The following SCPEP1 variants were observed in gnomAD, a reference collection of about 807,000 sequenced individuals.
The protein encoded by SCPEP1 is serine carboxypeptidase 1, also known as retinoid-inducible serine carboxypeptidase.
Under a neutral mutation model 63.8 loss-of-function variants are expected in SCPEP1, and 51 were observed. The observed-to-expected ratio is 0.80, with a 90% confidence interval of 0.64 to 1.01. The LOEUF (loss-of-function observed/expected upper bound fraction) is 1.01, where lower values mean the gene tolerates loss of function less well. SCPEP1 is among the 50% of genes least tolerant of loss of function. The pLI is 0.00. For synonymous variants in SCPEP1, 204 were observed against 207.8 expected (o/e 0.98, Z 0.16); for missense variants, 499 against 554.9 (o/e 0.90, Z 1.01).
chr17:57,006,171 A>C lies in SCPEP1; in HGVS notation c.1297-2A>C. The C allele has an allele frequency of 6.2e-7, 1 of 1,608,304 alleles. No homozygotes were observed. Among genetic ancestry groups the C allele is most frequent in the Non-Finnish European group, 8.5e-7 (1 of 1,177,566 alleles). The stretch of plus-strand genomic sequence containing the variant: ...ACTAACTCAGATGTTGTTTTTTTCT[A>C]GGTTCCTTCTGACCAAGGGGACATG... On this transcript the variant is annotated splice_acceptor_variant, in intron 12 of 12. Transcript: ENST00000262288. LOFTEE classifies it high-confidence loss of function.
At chr17:56,978,772 C>T (rs1300530921) in intron 1 of SCPEP1, among the ~76,000 whole-genome samples, 2 of 152,306 alleles carry the variant, frequency 1.3e-5, no homozygotes, top group Admixed American at 6.5e-5. Flanking sequence ...TTCAGCAAAA[C>T]CTCTCCTAGT....
intron 9 of SCPEP1, among the ~76,000 whole-genome samples, chr17:56,997,763 CT>C (rs911483105): frequency 5.8e-4 from 84 of 145,824 alleles, no homozygotes; most frequent in Admixed American, 6.9e-4. Flanking sequence ...TATTTTTTCC[CT>C]TTTTTTTTTT....
chr17:56,987,888 G>T, intron 4 of SCPEP1, 38 bp downstream of exon 4: 1 of 1,607,992 alleles, frequency 6.2e-7, no homozygotes, highest in South Asian at 1.1e-5. Flanking sequence ...TAAAGGGCTG[G>T]CAATATCAAC....
At chr17:56,998,331 C>A in intron 9 of SCPEP1, 54 bp from the exon 10 acceptor site, 2 of 1,160,394 alleles carry the variant, frequency 1.7e-6, no homozygotes, top group Non-Finnish European at 2.6e-6. Flanking sequence ...AAAAAGATGT[C>A]CTCTTGGCCT....
In SCPEP1 at chr17:56,987,745, C is replaced by T. The variant is rs2144483236; in HGVS notation, c.366C>T (p.Phe122=). 6.2e-7 allele frequency: 1 copy of T among 1,614,022 alleles called. No individual in the cohort carries two copies. The highest frequency in any genetic ancestry group is 8.5e-7 in the Non-Finnish European group (1 of 1,179,998). Residue 122 remains phenylalanine (F), a synonymous_variant, in exon 4 of 13, where the codon TTC becomes TTT. Coordinates refer to ENST00000262288, the MANE Select transcript of SCPEP1 (RefSeq NM_021626.3). ...LFVDNPVGTG[F]SYVNGSGAYA... ...TGGATAATCCCGTGGGCACTGGGTT[C>T]AGTTATGTGAATGGTAGTGGTGCCT...
At position 56,981,188 on chromosome 17, in the gene SCPEP1, C is replaced by T; in HGVS notation, c.183C>T (p.Ser61=). The T allele has an allele frequency of 6.2e-7, 1 of 1,614,204 alleles. No individual in the cohort carries two copies. Among genetic ancestry groups the T allele is most frequent in the East Asian group, 2.2e-5 (1 of 44,880 alleles). ...GGTGGCTCTATTATGCCACCAACTC[C>T]TGCAAGAACTTCTCAGAACTGCCCC... ...MFWWLYYATN[S]CKNFSELPLV... The change falls in exon 2 of 13, where the codon TCC becomes TCT. Residue 61 remains serine, a synonymous_variant. Coordinates refer to ENST00000262288, the MANE Select transcript of SCPEP1 (RefSeq NM_021626.3).
At chr17:57,000,656 A>T (rs1253326370) in intron 10 of SCPEP1, among the ~76,000 whole-genome samples, 199 bp from the exon 11 acceptor site, 3 of 152,196 alleles carry the variant, frequency 2.0e-5, no homozygotes, top group Non-Finnish European at 4.4e-5. Context: ...TCTCAAGAGA[A>T]TGGACCACAT....
chr17:57,006,458 G>T lies in SCPEP1; in HGVS notation c.*223G>T. Reference sequence around the variant, plus strand: ...CTAAGATTTTTTAAAAAATTGATTTGTTTTGATCAAAATAAAGGATGATAA... The same window carrying T: ...CTAAGATTTTTTAAAAAATTGATTTTTTTTGATCAAAATAAAGGATGATAA... On this transcript the variant is annotated 3_prime_UTR_variant, in exon 13 of 13. Coordinates refer to ENST00000262288, the MANE Select transcript of SCPEP1 (RefSeq NM_021626.3). 1 of 363,092 alleles carries T rather than the reference G, an allele frequency of 2.8e-6. No homozygotes were observed. Among genetic ancestry groups the T allele is most frequent in the Non-Finnish European group, 4.9e-6 (1 of 203,324 alleles). The allele number at this position is 363,092 out of a possible 1,614,324, so 22.5% of individuals were successfully genotyped here.
intron 3 of SCPEP1, among the ~76,000 whole-genome samples, chr17:56,986,231 T>C (rs1054759201): frequency 6.6e-6 from 1 of 152,048 alleles, no homozygotes; most frequent in Non-Finnish European, 1.5e-5. Flanking sequence ...CTTTTTTTTT[T>C]TTTTTGGAAA....
In SCPEP1 at chr17:56,978,132, T is replaced by G; in HGVS notation, c.-28T>G. On this transcript the variant is annotated 5_prime_UTR_variant, in exon 1 of 13. Transcript: ENST00000262288. ...GTGATGGGGCGCCGGGTCCAGCCTG[T>G]TGCTGATGCTGCCGTGCGGTACTTG... 9.8e-7 allele frequency: 1 copy of G among 1,015,508 alleles called. No individual in the cohort carries two copies. The highest frequency in any genetic ancestry group is 1.4e-6 in the Non-Finnish European group (1 of 704,206). The allele number at this position is 1,015,508 out of a possible 1,614,324, so 62.9% of individuals were successfully genotyped here.
chr17:57,006,171 A>G lies in SCPEP1; in HGVS notation c.1297-2A>G, dbSNP rs1407919598. On this transcript the variant is annotated splice_acceptor_variant, in intron 12 of 12. Transcript: ENST00000262288. LOFTEE classifies it high-confidence loss of function. ...ACTAACTCAGATGTTGTTTTTTTCTAGGTTCCTTCTGACCAAGGGGACATG... is the reference window on the plus strand; with the variant it reads ...ACTAACTCAGATGTTGTTTTTTTCTGGGTTCCTTCTGACCAAGGGGACATG... 6.2e-6 allele frequency: 10 copies of G among 1,608,304 alleles called. No individual in the cohort carries two copies. The highest frequency in any genetic ancestry group is 3.3e-4 in the Middle Eastern group (2 of 6,028).
At position 56,988,225 on chromosome 17, in the gene SCPEP1, T is replaced by G. The variant is rs1686321117; in HGVS notation, c.481T>G (p.Phe161Val). 1 of 1,610,996 alleles carries G rather than the reference T, an allele frequency of 6.2e-7. No individual in the cohort carries two copies. ...TTCCTTTTCTTGCTAGACAGTTCCATTCTACATTTTCTCAGAGTCCTATGG... is the reference window on the plus strand; with the variant it reads ...TTCCTTTTCTTGCTAGACAGTTCCAGTCTACATTTTCTCAGAGTCCTATGG... ...SCHKEFQTVPFYIFSESYGGK... is the reference protein window; with the variant it reads ...SCHKEFQTVPVYIFSESYGGK... Residue 161 changes from phenylalanine to valine, a missense_variant, in exon 5 of 13, where the codon TTC becomes GTC. Transcript: ENST00000262288.
At chr17:56,994,936 C>T (rs766900856) in intron 6 of SCPEP1, 45 bp from the exon 7 acceptor site, 4 of 1,543,562 alleles carry the variant, frequency 2.6e-6, no homozygotes, top group Admixed American at 3.4e-5. Flanking sequence ...TTTGGAAAGA[C>T]AGAGGTATGA....
At chr17:56,995,134 T>G (rs1400415667) in intron 7 of SCPEP1, 116 bp downstream of exon 7, 1 of 847,874 alleles carries the variant, frequency 1.2e-6, no homozygotes, top group African/African-American at 1.7e-5. Context: ...CACTGCTTTT[T>G]AGGGACTAGT....
chr17:56,998,909 A>G (rs8081759), intron 10 of SCPEP1, among the ~76,000 whole-genome samples: 82,957 of 151,936 alleles, frequency 0.55, 23,714 homozygotes, highest in African/African-American at 0.7. Context: ...AGCTATGATT[A>G]TGCCACTGCT....
Position 56,995,014 on chromosome 17 carries a change from G to T in SCPEP1, c.653G>T (p.Ser218Ile), listed in dbSNP as rs1374626030. Residue 218 changes from serine to isoleucine, a missense_variant, in exon 7 of 13, where the codon AGC becomes ATC. By Grantham distance (142) the Ser-to-Ile change is moderately radical. Coordinates refer to ENST00000262288, the MANE Select transcript of SCPEP1 (RefSeq NM_021626.3). ...CTCTCCTGGGGACCTTACCTGTACAGCATGGTAAGTAGATACACATCTGCA... is the reference window on the plus strand; with the variant it reads ...CTCTCCTGGGGACCTTACCTGTACATCATGGTAAGTAGATACACATCTGCA... The part of the protein sequence containing the change: ...SVLSWGPYLY[S>I]MSLLEDKGLA... 2 of 1,612,420 alleles carry T rather than the reference G, an allele frequency of 1.2e-6. No homozygotes were observed. The highest frequency in any genetic ancestry group is 1.7e-5 in the Admixed American group (1 of 60,030).
In SCPEP1 at chr17:56,998,464, G is replaced by C. The variant is rs1001443701; in HGVS notation, c.960G>C (p.Lys320Asn). 11 of 1,613,968 alleles carry C rather than the reference G, an allele frequency of 6.8e-6. No individual in the cohort carries two copies. The highest frequency in any genetic ancestry group is 8.5e-6 in the Non-Finnish European group (10 of 1,179,912). ...SQLMNGPIRK[K>N]LKIIPEDQSW... ...TCATGAATGGCCCCATCAGAAAGAA[G>C]CTCAAAATTATTCCTGAGGATCAAT... Residue 320 changes from lysine (K) to asparagine (N), a missense_variant, in exon 10 of 13, where the codon AAG (lysine) becomes AAC (asparagine). Transcript: ENST00000262288.
chr17:56,986,547 T>TTC (rs1344707862), intron 3 of SCPEP1, among the ~76,000 whole-genome samples: 2 of 146,446 alleles, frequency 1.4e-5, no homozygotes, highest in Non-Finnish European at 3.0e-5. Flanking sequence ...TTTTTTTTTT[T>TTC]CTGTTTTTTT....
intron 7 of SCPEP1, 163 bp downstream of exon 7, chr17:56,995,181 G>A (rs1055793632): frequency 2.3e-5 from 14 of 598,514 alleles, no homozygotes; most frequent in African/African-American, 3.7e-5. Context: ...GCAAGAGCTC[G>A]CCTCAGGGAC....
Sources: gnomAD v4.1 joint callset for allele counts (sites outside exome capture counted in the v4.1 genomes callset) on GRCh38, gnomAD v4.1.1 for gene constraint, MANE v1.5 for transcripts, NCBI Gene and HGNC (gene_info 2026-07-23, HGNC 2026-07-21) for gene names.